The following SLC9A9 variants were observed in gnomAD, a reference collection of about 807,000 sequenced individuals.
SLC9A9 encodes sodium/hydrogen exchanger 9.
A neutral mutation model predicts 77.8 loss-of-function variants in SLC9A9; 62 were observed. That is an observed-to-expected ratio of 0.80 (90% CI 0.65 to 0.98). The LOEUF is 0.98. Among genes scored for constraint, SLC9A9 ranks in the 50% least tolerant of loss-of-function variants. The pLI is 0.00. For missense variants in SLC9A9, 775 were observed against 774.9 expected (o/e 1.00, Z 0.00); for synonymous variants, 320 against 283.5 (o/e 1.13, Z -1.29).
At chr3:143,811,663 T>A in intron 2 of SLC9A9, 1 of 453,746 alleles carries the variant, frequency 2.2e-6, no homozygotes, top group Non-Finnish European at 4.4e-6. Context: ...CCAGCCAACA[T>A]GGCAAAAAAT....
In SLC9A9 at chr3:143,552,420, G is replaced by T; in HGVS notation, c.1031C>A (p.Thr344Lys). 1.2e-6 allele frequency: 2 copies of T among 1,613,166 alleles called. No individual in the cohort carries two copies. The highest frequency in any genetic ancestry group is 1.7e-6 in the Non-Finnish European group (2 of 1,179,550). Residue 344 changes from threonine to lysine, a missense_variant, in exon 9 of 16, where the codon ACA (threonine) becomes AAA (lysine). Physicochemically the swap from Thr to Lys is moderately conservative, Grantham distance 78 (BLOSUM62 -1). Coordinates refer to ENST00000316549, the MANE Select transcript of SLC9A9 (RefSeq NM_173653.4). Reference protein sequence around the residue: ...GIVAVLFCGVTQAHYTYNNLS... With the variant: ...GIVAVLFCGVKQAHYTYNNLS... Reference sequence around the variant, plus strand: ...ATTGTTGTAGGTATAATGTGCTTGTGTGACTCCACAGAAGAGAACAGCAAC... The same window carrying T: ...ATTGTTGTAGGTATAATGTGCTTGTTTGACTCCACAGAAGAGAACAGCAAC...
At chr3:143,400,226 C>T (rs893327650) in intron 12 of SLC9A9, among the ~76,000 whole-genome samples, 1 of 152,108 alleles carries the variant, frequency 6.6e-6, no homozygotes, top group African/African-American at 2.4e-5. Context: ...CTGGATATTT[C>T]ATGTATGGCT....
chr3:143,543,553 T>G (rs1345348594), intron 9 of SLC9A9, among the ~76,000 whole-genome samples: 1 of 152,174 alleles, frequency 6.6e-6, no homozygotes, highest in Non-Finnish European at 1.5e-5. Context: ...CTCCCTGCCT[T>G]CTAGTAGCTC....
At chr3:143,326,904 G>A (rs756878469) in intron 14 of SLC9A9, among the ~76,000 whole-genome samples, 1 of 152,148 alleles carries the variant, frequency 6.6e-6, no homozygotes, top group Non-Finnish European at 1.5e-5. Context: ...TAAAATTAAT[G>A]GTCACTGGAG....
At chr3:143,478,026 C>A (rs1415525521) in intron 11 of SLC9A9, among the ~76,000 whole-genome samples, 1 of 152,216 alleles carries the variant, frequency 6.6e-6, no homozygotes, top group Non-Finnish European at 1.5e-5. Flanking sequence ...GCATCACTGG[C>A]ACTTGGGGCC....
At chr3:143,707,785 G>C (rs1374904987) in intron 4 of SLC9A9, among the ~76,000 whole-genome samples, 1 of 152,208 alleles carries the variant, frequency 6.6e-6, no homozygotes, top group East Asian at 1.9e-4. Context: ...TTTAAGAACA[G>C]AAAAGACTGC....
chr3:143,429,149 C>T (rs1384970846), intron 12 of SLC9A9, among the ~76,000 whole-genome samples: 1 of 152,100 alleles, frequency 6.6e-6, no homozygotes, highest in Admixed American at 6.6e-5. Flanking sequence ...TCACATTGTG[C>T]CCCATAAATA....
intron 9 of SLC9A9, chr3:143,517,778 T>A: frequency 6.3e-7 from 1 of 1,598,758 alleles, no homozygotes. Flanking sequence ...CCTCTTGGCA[T>A]ACAAAATGGC....
chr3:143,772,720 G>A (rs2007566572), intron 4 of SLC9A9, among the ~76,000 whole-genome samples: 1 of 152,190 alleles, frequency 6.6e-6, no homozygotes, highest in African/African-American at 2.4e-5. Context: ...GTTGCCCCAA[G>A]TCCGGTTTGT....
chr3:143,420,214 C>A (rs2034271483), intron 12 of SLC9A9, among the ~76,000 whole-genome samples: 1 of 152,098 alleles, frequency 6.6e-6, no homozygotes, highest in Admixed American at 6.5e-5. Context: ...GACATTTAAG[C>A]TTTCTAAATG....
intron 4 of SLC9A9, among the ~76,000 whole-genome samples, chr3:143,774,465 T>C (rs1169567325): frequency 1.3e-5 from 2 of 152,138 alleles, no homozygotes; most frequent in Non-Finnish European, 2.9e-5. Context: ...ATGTGATGTT[T>C]GGGATGGCAC....
chr3:143,531,705 G>A (rs955217725), intron 9 of SLC9A9, among the ~76,000 whole-genome samples: 1 of 152,156 alleles, frequency 6.6e-6, no homozygotes, highest in Non-Finnish European at 1.5e-5. Context: ...TTTAATGAAA[G>A]AGAACAATAT....
chr3:143,535,044 T>C (rs2108624849), intron 9 of SLC9A9, among the ~76,000 whole-genome samples: 1 of 152,342 alleles, frequency 6.6e-6, no homozygotes, highest in Middle Eastern at 3.4e-3. Flanking sequence ...ACATGAATCA[T>C]ATACATGTTT....
At chr3:143,482,263 C>T (rs560504363) in intron 11 of SLC9A9, among the ~76,000 whole-genome samples, 29 of 152,128 alleles carry the variant, frequency 1.9e-4, no homozygotes, top group African/African-American at 6.3e-4. Flanking sequence ...TGAATGTGAA[C>T]GAGTGCTAGT....
intron 4 of SLC9A9, among the ~76,000 whole-genome samples, chr3:143,742,157 G>A (rs915035306): frequency 6.6e-6 from 1 of 151,994 alleles, no homozygotes; most frequent in Non-Finnish European, 1.5e-5. Flanking sequence ...TCAATAAACT[G>A]GCTCATCTGA....
At chr3:143,715,338 C>T (rs1934312021) in intron 4 of SLC9A9, among the ~76,000 whole-genome samples, 1 of 152,148 alleles carries the variant, frequency 6.6e-6, no homozygotes, top group Non-Finnish European at 1.5e-5. Flanking sequence ...CTTTTGACTT[C>T]AGATGTTAAT....
At chr3:143,364,007 G>T (rs2032827585) in intron 13 of SLC9A9, among the ~76,000 whole-genome samples, 1 of 152,036 alleles carries the variant, frequency 6.6e-6, no homozygotes, top group Non-Finnish European at 1.5e-5. Context: ...ATTACCAAAG[G>T]CTATTGGTTG....
intron 4 of SLC9A9, among the ~76,000 whole-genome samples, chr3:143,737,623 C>T (rs552467863): frequency 6.6e-5 from 10 of 152,242 alleles, no homozygotes; most frequent in African/African-American, 2.4e-4. Flanking sequence ...ACATATTTTC[C>T]TTATTAGCTT....
chr3:143,682,532 CATT>C (rs1366684221), intron 5 of SLC9A9, among the ~76,000 whole-genome samples: 3 of 151,772 alleles, frequency 2.0e-5, no homozygotes, highest in African/African-American at 7.3e-5. Context: ...TAATATTTAA[CATT>C]ATATTAGTTT....
Sources: allele counts gnomAD v4.1 joint callset (sites outside exome capture counted in the v4.1 genomes callset), GRCh38; gene constraint gnomAD v4.1.1; transcripts MANE v1.5; gene names NCBI Gene and HGNC (gene_info 2026-07-23, HGNC 2026-07-21).